PDSS2: variants seen among roughly 807,000 people sequenced by gnomAD.
PDSS2 encodes the protein decaprenyl diphosphate synthase subunit 2, also known as all trans-polyprenyl-diphosphate synthase PDSS2.
Under a neutral mutation model 44.5 loss-of-function variants are expected in PDSS2, and 31 were observed. The ratio of observed to expected loss-of-function variants is 0.70; its 90% CI spans 0.52 to 0.94. PDSS2 has a LOEUF of 0.94. PDSS2 is among the 40% of genes least tolerant of loss of function. PDSS2 has a pLI of 0.00. For missense variants in PDSS2, 452 were observed against 482.2 expected (o/e 0.94, Z 0.59); for synonymous variants, 157 against 180.3 (o/e 0.87, Z 1.03).
chr6:107,433,013 G>A (rs1781239873), intron 1 of PDSS2, among the ~76,000 whole-genome samples: 1 of 151,872 alleles, frequency 6.6e-6, no homozygotes, highest in African/African-American at 2.4e-5. Context: ...CATATAAGTG[G>A]GACATGTGGT....
intron 1 of PDSS2, among the ~76,000 whole-genome samples, chr6:107,411,198 T>G (rs182466013): frequency 6.6e-5 from 10 of 152,342 alleles, no homozygotes; most frequent in African/African-American, 2.4e-4. Flanking sequence ...CCATGGGTTA[T>G]TTAATGAGTC....
rs184355213 is a variant in PDSS2, at chr6:107,363,348, G to A, written c.297-29016C>T. On this transcript the variant is annotated intron_variant, in intron 1 of 7. Transcript: ENST00000369037. ...TGAGTCTTACAGCTCTTAAGGTGGC[G>A]CGTCTGGAGTCTGTCCCTTCTGATG... Among the ~76,000 whole-genome samples the A allele has an allele frequency of 2.7e-3, 412 of 152,216 alleles. 2 individuals are homozygous for A. Among genetic ancestry groups the A allele is most frequent in the African/African-American group, 9.3e-3 (385 of 41,524 alleles).
chr6:107,230,557 T>C (rs905033195), intron 4 of PDSS2, among the ~76,000 whole-genome samples: 1 of 152,082 alleles, frequency 6.6e-6, no homozygotes, highest in Non-Finnish European at 1.5e-5. Flanking sequence ...TTGGATCAGC[T>C]GAGATTCAGC....
Position 107,385,335 on chromosome 6 carries a change from T to TA in PDSS2, c.297-51004dup, listed in dbSNP as rs201356582. 8.7e-3 allele frequency among the ~76,000 whole-genome samples: 1,239 copies of TA among 142,632 alleles called. 7 individuals are homozygous for TA. The highest frequency in any genetic ancestry group is 0.031 in the Middle Eastern group (9 of 286). The allele number at this position is 142,632 out of a possible 152,430, so 93.6% of individuals were successfully genotyped here. On this transcript the variant is annotated intron_variant, in intron 1 of 7. Coordinates refer to ENST00000369037, the MANE Select transcript of PDSS2 (RefSeq NM_020381.4). ...GAAACATAGCAAGATCCCTGTCTCT[T>TA]AAAAAAAAAAAAAAATCTTCATACA...
intron 1 of PDSS2, among the ~76,000 whole-genome samples, chr6:107,340,537 G>A (rs1201065225): frequency 6.6e-6 from 1 of 151,990 alleles, no homozygotes; most frequent in Non-Finnish European, 1.5e-5. Flanking sequence ...ACGTATGAAG[G>A]GTATACAAAG....
rs2115173390 is a variant in PDSS2 at position 107,321,511 on chromosome 6, G to A, written c.431+12687C>T. On this transcript the variant is annotated intron_variant, in intron 2 of 7. Transcript: ENST00000369037. Reference sequence around the variant, plus strand: ...TCTAAATACACCACGGCTTTTCCCGGAGTGTCCAAATCCTATATGTTCATG... The same window carrying A: ...TCTAAATACACCACGGCTTTTCCCGAAGTGTCCAAATCCTATATGTTCATG... Among the ~76,000 whole-genome samples the A allele has an allele frequency of 2.6e-5, 4 of 152,302 alleles. No individual in the cohort carries two copies. The South Asian group carries it at 8.3e-4, about 32-fold the overall frequency.
At position 107,331,936 on chromosome 6, in the gene PDSS2, A is replaced by G. The variant is rs141716774; in HGVS notation, c.431+2262T>C. 2.9e-3 allele frequency among the ~76,000 whole-genome samples: 440 copies of G among 152,218 alleles called. 2 individuals carry two copies. The highest frequency in any genetic ancestry group is 9.7e-3 in the African/African-American group (403 of 41,558). ...GTCAAAGTCAGCAGACTGAAAATCA[A>G]TGGAATTCCTAACCGAAAACAGAGA... On this transcript the variant is annotated intron_variant, in intron 2 of 7. Transcript: ENST00000369037.
chr6:107,201,770 T>A (rs539779698), intron 6 of PDSS2, among the ~76,000 whole-genome samples: 46 of 152,324 alleles, frequency 3.0e-4, no homozygotes, highest in African/African-American at 1.1e-3. Context: ...CAGGCTATAT[T>A]TTAGAATAAC....
chr6:107,437,720 C>T (rs1451506129), intron 1 of PDSS2, among the ~76,000 whole-genome samples: 1 of 151,942 alleles, frequency 6.6e-6, no homozygotes, highest in Non-Finnish European at 1.5e-5. Flanking sequence ...CTATGCCCCA[C>T]CTCTGGTTGA....
chr6:107,444,581 T>C (rs1417584429), intron 1 of PDSS2, among the ~76,000 whole-genome samples: 1 of 152,240 alleles, frequency 6.6e-6, no homozygotes, highest in Admixed American at 6.5e-5. Context: ...TTAAAATTTA[T>C]AATTTTCTCC....
chr6:107,235,830 CTG>C (rs1774205438), intron 4 of PDSS2, among the ~76,000 whole-genome samples: 1 of 152,114 alleles, frequency 6.6e-6, no homozygotes, highest in Non-Finnish European at 1.5e-5. Context: ...AGAAGAAACA[CTG>C]AGCATATTAA....
intron 3 of PDSS2, among the ~76,000 whole-genome samples, chr6:107,265,969 AAACT>A (rs1204034174): frequency 6.6e-6 from 1 of 152,040 alleles, no homozygotes; most frequent in Non-Finnish European, 1.5e-5. Context: ...AAAACGCAAA[AAACT>A]TACTACACTA....
At chr6:107,241,570 T>C (rs1467676030) in intron 4 of PDSS2, among the ~76,000 whole-genome samples, 4 of 151,962 alleles carry the variant, frequency 2.6e-5, no homozygotes, top group African/African-American at 9.7e-5. Context: ...ACGGCCTCGA[T>C]CTCCTGACCT....
chr6:107,385,975 TAAGTA>T (rs1257494409), intron 1 of PDSS2, among the ~76,000 whole-genome samples: 1 of 152,176 alleles, frequency 6.6e-6, no homozygotes, highest in Non-Finnish European at 1.5e-5. Flanking sequence ...AATTAACTGT[TAAGTA>T]AACAGAATTT....
chr6:107,254,348 T>A (rs150422998), intron 3 of PDSS2, among the ~76,000 whole-genome samples: 1 of 152,032 alleles, frequency 6.6e-6, no homozygotes, highest in African/African-American at 2.4e-5. Context: ...TAATTTTTTT[T>A]AAAGATAAAA....
intron 1 of PDSS2, among the ~76,000 whole-genome samples, chr6:107,391,598 T>C (rs1399001721): frequency 1.3e-5 from 2 of 152,122 alleles, no homozygotes; most frequent in East Asian, 1.9e-4. Context: ...TAGGAAGTTA[T>C]TGGTACTTCT....
At chr6:107,301,980 G>A (rs1227401368) in intron 2 of PDSS2, among the ~76,000 whole-genome samples, 2 of 148,350 alleles carry the variant, frequency 1.3e-5, no homozygotes, top group South Asian at 4.3e-4. Context: ...ATGGGCTTAA[G>A]GTTTATTTTT....
intron 3 of PDSS2, among the ~76,000 whole-genome samples, chr6:107,271,393 T>C (rs1014855650): frequency 2.0e-5 from 3 of 152,174 alleles, no homozygotes; most frequent in African/African-American, 7.2e-5. Context: ...CAAGCAAGTG[T>C]GCTCATTCTA....
At chr6:107,272,236 AATT>A (rs1035146545) in intron 3 of PDSS2, among the ~76,000 whole-genome samples, 2 of 152,144 alleles carry the variant, frequency 1.3e-5, no homozygotes, top group African/African-American at 4.8e-5. Context: ...ATTCTAATAT[AATT>A]ATTAGTAATA....
Sources: gnomAD v4.1 joint callset for allele counts (sites outside exome capture counted in the v4.1 genomes callset) on GRCh38, gnomAD v4.1.1 for gene constraint, MANE v1.5 for transcripts, NCBI Gene and HGNC (gene_info 2026-07-23, HGNC 2026-07-21) for gene names.